Variants in MCM10 observed in about 807,000 individuals in gnomAD.
MCM10 encodes the protein minichromosome maintenance 10 replication initiation factor.
A neutral mutation model predicts 109.9 loss-of-function variants in MCM10; 91 were observed. The observed-to-expected ratio is 0.83, with a 90% CI of 0.70 to 0.99. The LOEUF (loss-of-function observed/expected upper bound fraction) is 0.99, where lower values mean the gene tolerates loss of function less well. Among genes scored for constraint, MCM10 ranks in the 50% least tolerant of loss-of-function variants. The pLI is 0.00. For missense variants in MCM10, 1,077 were observed against 1,061.2 expected (o/e 1.01, Z -0.21); for synonymous variants, 380 against 387.2 (o/e 0.98, Z 0.22).
At chr10:13,205,004 A>G (rs1004011393) in intron 18 of MCM10, among the ~76,000 whole-genome samples, 176 of 2,162 alleles carry the variant, frequency 0.081, 6 homozygotes, top group African/African-American at 0.14. Flanking sequence ...GTATGTATGT[A>G]TATATATATA....
In MCM10 at chr10:13,186,158, T is replaced by A; in HGVS notation, c.1099-6T>A. On this transcript the variant is annotated splice_region_variant and splice_polypyrimidine_tract_variant and intron_variant, in intron 8 of 19. Transcript: ENST00000378714. ...CCTTTAACTCCTGCCCCACCTTTTC[T>A]TACAGGTGTGTTTATCTATCGATCA... The A allele has an allele frequency of 6.4e-7, 1 of 1,554,262 alleles. No individual in the cohort carries two copies. The highest frequency in any genetic ancestry group is 8.9e-7 in the Non-Finnish European group (1 of 1,127,974).
chr10:13,172,783 T>A lies in MCM10; in HGVS notation c.592+18T>A, dbSNP rs772911198. Reference sequence around the variant, plus strand: ...ACCTCCAGGTGTAGTACTTGCGGTCTCAGTATCTTGGCACTATTGTATGTG... The same window carrying A: ...ACCTCCAGGTGTAGTACTTGCGGTCACAGTATCTTGGCACTATTGTATGTG... On this transcript the variant is annotated intron_variant, in intron 5 of 19. Transcript: ENST00000378714. This position sits in a 1 kb window ranked among gnomAD's most constrained non-coding sequence, Gnocchi z 5.2. The A allele has an allele frequency of 1.2e-6, 2 of 1,613,498 alleles. No individual in the cohort carries two copies. The highest frequency in any genetic ancestry group is 4.5e-5 in the East Asian group (2 of 44,874).
intron 5 of MCM10, among the ~76,000 whole-genome samples, chr10:13,174,964 A>T (rs1272177530): frequency 6.6e-6 from 1 of 152,030 alleles, no homozygotes; most frequent in African/African-American, 2.4e-5. Flanking sequence ...CCCCATCCCT[A>T]CTAAAAATAC....
intron 16 of MCM10, 109 bp from the exon 17 acceptor site, chr10:13,201,312 G>T: frequency 1.4e-6 from 1 of 723,652 alleles, no homozygotes; most frequent in Non-Finnish European, 2.4e-6. Flanking sequence ...GTTCTGTTTT[G>T]ATTATTATCA....
intron 17 of MCM10, among the ~76,000 whole-genome samples, chr10:13,203,237 C>G (rs1321217856): frequency 6.6e-6 from 1 of 152,128 alleles, no homozygotes; most frequent in Non-Finnish European, 1.5e-5. Flanking sequence ...GCAGACGGGG[C>G]TGCAGTAGGG....
At chr10:13,171,635 T>A (rs980590459) in intron 3 of MCM10, among the ~76,000 whole-genome samples, 3 of 152,254 alleles carry the variant, frequency 2.0e-5, no homozygotes, top group Admixed American at 2.0e-4. Context: ...CTTTGACACA[T>A]GTTCTTTTCT....
At chr10:13,168,319 C>G (rs1834028649) in intron 2 of MCM10, among the ~76,000 whole-genome samples, 1 of 152,210 alleles carries the variant, frequency 6.6e-6, no homozygotes, top group African/African-American at 2.4e-5. Context: ...TCTGACTGAG[C>G]ATTAGGCCCC....
chr10:13,166,844 A>G (rs890352213), intron 2 of MCM10, among the ~76,000 whole-genome samples: 7 of 151,940 alleles, frequency 4.6e-5, no homozygotes, highest in African/African-American at 7.2e-5. Context: ...GCAAAAATTT[A>G]AAGTTAGACT....
At chr10:13,174,043 A>G (rs576014440) in intron 5 of MCM10, among the ~76,000 whole-genome samples, 411 of 152,272 alleles carry the variant, frequency 2.7e-3, no homozygotes, top group Middle Eastern at 0.01. Flanking sequence ...TAGTAAATAG[A>G]ATACCAGACC....
rs551793237 is a variant in MCM10, at chr10:13,165,583, A to C, written c.7+1374A>C. ...AGTATAGGTCAAGAAAGAAGAAATC[A>C]TAATGTTTAGGCTGGGTGCGGTGGC... On this transcript the variant is annotated intron_variant, in intron 2 of 19. Transcript: ENST00000378714. Among the ~76,000 whole-genome samples, 404 of 152,306 alleles carry C rather than the reference A, an allele frequency of 2.7e-3. 2 individuals carry two copies. Among genetic ancestry groups the C allele is most frequent in the Non-Finnish European group, 4.2e-3 (288 of 68,040 alleles).
intron 9 of MCM10, among the ~76,000 whole-genome samples, chr10:13,188,471 G>T (rs188319347): frequency 1.3e-5 from 2 of 151,892 alleles, no homozygotes; most frequent in Non-Finnish European, 1.5e-5. Flanking sequence ...CACTCCCTCC[G>T]TCTCCTGGTG....
Position 13,210,044 on chromosome 10 carries a change from TA to T in MCM10, c.*735del, listed in dbSNP as rs1465067158. The T allele has an allele frequency of 6.8e-5, 10 of 147,564 alleles. No homozygotes were observed. Among genetic ancestry groups the T allele is most frequent in the East Asian group, 3.9e-4 (2 of 5,120 alleles). The allele number at this position is 147,564 out of a possible 1,614,324, so 9.1% of individuals were successfully genotyped here. Reference sequence around the variant, plus strand: ...GATAGAAATATGTAAAATCTCATATTATTTTTTTTTTAATTTTTTTATTTTT... The same window carrying T: ...GATAGAAATATGTAAAATCTCATATTTTTTTTTTTTAATTTTTTTATTTTT... On this transcript the variant is annotated 3_prime_UTR_variant, in exon 20 of 20. Coordinates refer to ENST00000378714, the MANE Select transcript of MCM10 (RefSeq NM_018518.5).
intron 18 of MCM10, chr10:13,204,674 G>T (rs750636809): frequency 4.7e-5 from 12 of 255,650 alleles, no homozygotes; most frequent in Non-Finnish European, 8.2e-5. Flanking sequence ...GGGCTAGGAT[G>T]CACATAATAT....
At chr10:13,191,250 G>A in intron 10 of MCM10, 49 bp from the exon 11 acceptor site, 2 of 1,234,892 alleles carry the variant, frequency 1.6e-6, no homozygotes, top group South Asian at 1.2e-5. Context: ...CCTCATCAGA[G>A]CATTGAGGCT....
In MCM10 at chr10:13,191,281, G is replaced by T; in HGVS notation, c.1416-18G>T. On this transcript the variant is annotated intron_variant, in intron 10 of 19. Transcript: ENST00000378714. ...AGGCTTTAGTGATTCTCCTTTTGGGGGTGACTTGTCATTTCAGTGCAGCAG... is the reference window on the plus strand; with the variant it reads ...AGGCTTTAGTGATTCTCCTTTTGGGTGTGACTTGTCATTTCAGTGCAGCAG... 2 of 1,565,344 alleles carry T rather than the reference G, an allele frequency of 1.3e-6. No individual in the cohort carries two copies. The highest frequency in any genetic ancestry group is 2.2e-5 in the South Asian group (2 of 89,990).
At chr10:13,204,122 A>T in intron 17 of MCM10, 97 bp from the exon 18 acceptor site, 2 of 1,449,360 alleles carry the variant, frequency 1.4e-6, no homozygotes, top group South Asian at 2.7e-5. Flanking sequence ...GTGATGAGAG[A>T]CCAGGTGGTC....
chr10:13,204,213 G>A lies in MCM10; in HGVS notation c.2353-6G>A. 6.2e-7 allele frequency: 1 copy of A among 1,613,726 alleles called. No individual in the cohort carries two copies. Among genetic ancestry groups the A allele is most frequent in the Middle Eastern group, 1.7e-4 (1 of 5,960 alleles). On this transcript the variant is annotated splice_polypyrimidine_tract_variant and splice_region_variant and intron_variant, in intron 17 of 19. Transcript: ENST00000378714. ...GGCGGTGTGGGTTTTTTGTTGCTCT[G>A]TGCAGTGCGCCTATACCCACTTCAA...
At position 13,170,970 on chromosome 10, in the gene MCM10, A is replaced by G. The variant is rs1160434802; in HGVS notation, c.56A>G (p.Glu19Gly). Reference protein sequence around the residue: ...SLLTALLEENESALDCNSEEN... With the variant: ...SLLTALLEENGSALDCNSEEN... ...CTGACCGCACTGCTGGAAGAAAATG[A>G]GTCAGCCTTGGATTGTAATTCAGAA... Residue 19 changes from glutamate (E) to glycine (G), a missense_variant, in exon 3 of 20, where the codon GAG becomes GGG. Coordinates refer to ENST00000378714, the MANE Select transcript of MCM10 (RefSeq NM_018518.5). 1 of 1,614,142 alleles carries G rather than the reference A, an allele frequency of 6.2e-7. No individual in the cohort carries two copies. The highest frequency in any genetic ancestry group is 8.5e-7 in the Non-Finnish European group (1 of 1,180,058).
intron 6 of MCM10, among the ~76,000 whole-genome samples, chr10:13,177,404 A>G (rs1834155103): frequency 6.6e-6 from 1 of 151,914 alleles, no homozygotes; most frequent in Non-Finnish European, 1.5e-5. Flanking sequence ...TACATTTAAT[A>G]GACTTGCTAG....
Sources: allele counts gnomAD v4.1 joint callset (sites outside exome capture counted in the v4.1 genomes callset), GRCh38; gene constraint gnomAD v4.1.1; non-coding constraint Gnocchi (gnomAD v3.1); transcripts MANE v1.5; gene names NCBI Gene and HGNC (gene_info 2026-07-23, HGNC 2026-07-21).